The following NKAIN1 variants were observed in gnomAD, a reference collection of about 807,000 sequenced individuals.
NKAIN1 encodes sodium/potassium-transporting ATPase subunit beta-1-interacting protein 1.
In NKAIN1, 13 loss-of-function variants were observed where a neutral mutation model predicts 31.6. The ratio of observed to expected loss-of-function variants is 0.41; its 90% CI spans 0.27 to 0.65. The LOEUF is 0.65. Ranked by LOEUF, NKAIN1 falls within the 30% of genes least tolerant of loss-of-function variation. The probability of loss-of-function intolerance (pLI) is 0.30; values close to 1 mark genes in which losing one functional copy is unlikely to be tolerated. For synonymous variants in NKAIN1, 104 were observed against 109.0 expected (o/e 0.95, Z 0.28); for missense variants, 193 against 262.2 (o/e 0.74, Z 1.82).
chr1:31,222,789 C>T (rs1001970939), intron 1 of NKAIN1, among the ~76,000 whole-genome samples: 1 of 152,122 alleles, frequency 6.6e-6, no homozygotes, highest in Non-Finnish European at 1.5e-5. Context: ...GTCCAAAAGG[C>T]CTGGGTTAGA....
chr1:31,181,597 C>T lies in NKAIN1; in HGVS notation c.*106G>A. On this transcript the variant is annotated 3_prime_UTR_variant, in exon 7 of 7. Transcript: ENST00000373736. ...CAGACGCGGGGTTGGGCACAGGCTGCAGTGAGCGCGCGGGCCACCAGGGGG... is the reference window on the plus strand; with the variant it reads ...CAGACGCGGGGTTGGGCACAGGCTGTAGTGAGCGCGCGGGCCACCAGGGGG... The T allele has an allele frequency of 8.9e-7, 1 of 1,122,450 alleles. No individual in the cohort carries two copies. Among genetic ancestry groups the T allele is most frequent in the Non-Finnish European group, 1.2e-6 (1 of 831,760 alleles). The allele number at this position is 1,122,450 out of a possible 1,614,324, so 69.5% of individuals were successfully genotyped here.
intron 1 of NKAIN1, among the ~76,000 whole-genome samples, chr1:31,215,096 C>T (rs923383526): frequency 7.2e-5 from 11 of 152,168 alleles, no homozygotes; most frequent in African/African-American, 2.7e-4. Flanking sequence ...AATCCAATTC[C>T]CTGACTTATT....
In NKAIN1 at chr1:31,184,790, G is replaced by A. The variant is rs573433760; in HGVS notation, c.273+457C>T. Among the ~76,000 whole-genome samples the A allele has an allele frequency of 3.9e-5, 6 of 152,226 alleles. No homozygotes were observed. In the South Asian group the frequency reaches 6.2e-4, roughly 16 times the overall value. On this transcript the variant is annotated intron_variant, in intron 3 of 6. Coordinates refer to ENST00000373736, the MANE Select transcript of NKAIN1 (RefSeq NM_024522.3). ...CAAGCGAAACAGTCCTACTTTCTTG[G>A]TCTGCTCAATCTTCCCTGAACAAAC...
intron 1 of NKAIN1, among the ~76,000 whole-genome samples, chr1:31,228,292 A>C (rs1446165963): frequency 1.3e-5 from 2 of 152,128 alleles, no homozygotes; most frequent in Admixed American, 1.3e-4. Flanking sequence ...TTATCCTGAA[A>C]ATCTCAGAAT....
chr1:31,218,817 T>C (rs768066341), intron 1 of NKAIN1, among the ~76,000 whole-genome samples: 24 of 152,202 alleles, frequency 1.6e-4, no homozygotes, highest in Admixed American at 7.2e-4. Context: ...AGACAGCCTC[T>C]CAGTTCAGTG....
At chr1:31,196,145 G>A (rs1287219887) in intron 1 of NKAIN1, among the ~76,000 whole-genome samples, 41 of 151,886 alleles carry the variant, frequency 2.7e-4, no homozygotes, top group Admixed American at 6.6e-5. Context: ...TTGGGAGACC[G>A]AGGTGGGTGG....
chr1:31,197,458 G>C (rs1645338201), intron 1 of NKAIN1, among the ~76,000 whole-genome samples: 1 of 151,706 alleles, frequency 6.6e-6, no homozygotes, highest in Admixed American at 6.6e-5. Context: ...ATGTTGGTCA[G>C]GTTGGTCTCA....
At chr1:31,219,719 G>T (rs1460427032) in intron 1 of NKAIN1, among the ~76,000 whole-genome samples, 2 of 152,234 alleles carry the variant, frequency 1.3e-5, no homozygotes, top group Non-Finnish European at 2.9e-5. Context: ...CCACACAGGT[G>T]CCTAGACTCC....
At chr1:31,211,680 G>A (rs757248948) in intron 1 of NKAIN1, among the ~76,000 whole-genome samples, 1 of 151,830 alleles carries the variant, frequency 6.6e-6, no homozygotes, top group African/African-American at 2.4e-5. Flanking sequence ...TGGGCACGGT[G>A]GCTCATGCCT....
intron 1 of NKAIN1, among the ~76,000 whole-genome samples, chr1:31,215,279 A>G (rs1645502164): frequency 6.6e-6 from 1 of 152,192 alleles, no homozygotes; most frequent in African/African-American, 2.4e-5. Context: ...AAAGTTGCAC[A>G]GCAGTACTCC....
chr1:31,217,154 C>T (rs1202122465), intron 1 of NKAIN1, among the ~76,000 whole-genome samples: 1 of 152,048 alleles, frequency 6.6e-6, no homozygotes, highest in Non-Finnish European at 1.5e-5. Flanking sequence ...GCATGAGCCA[C>T]CGTGCCGCGG....
intron 2 of NKAIN1, among the ~76,000 whole-genome samples, 192 bp downstream of exon 2, chr1:31,187,857 GA>G (rs111493842): frequency 0.043 from 6,264 of 147,088 alleles, 238 homozygotes; most frequent in East Asian, 0.12. Context: ...AATTCTTCAG[GA>G]AAAAAAAAAC....
chr1:31,211,454 G>A (rs1389189169), intron 1 of NKAIN1, among the ~76,000 whole-genome samples: 1 of 152,180 alleles, frequency 6.6e-6, no homozygotes, highest in Non-Finnish European at 1.5e-5. Context: ...AACCAAGTAA[G>A]TGCAAGACCT....
intron 1 of NKAIN1, among the ~76,000 whole-genome samples, chr1:31,231,974 A>G (rs990951925): frequency 2.0e-5 from 3 of 150,832 alleles, no homozygotes; most frequent in African/African-American, 7.3e-5. Context: ...GCTGTAGGGC[A>G]GTGGTGCAAT....
At chr1:31,235,546 A>G (rs897140743) in intron 1 of NKAIN1, among the ~76,000 whole-genome samples, 10 of 152,040 alleles carry the variant, frequency 6.6e-5, no homozygotes, top group African/African-American at 2.4e-4. Context: ...TGAGGTGGGA[A>G]GGTCACTTGA....
intron 1 of NKAIN1, among the ~76,000 whole-genome samples, chr1:31,216,309 T>C (rs529395450): frequency 6.6e-6 from 1 of 152,260 alleles, no homozygotes; most frequent in East Asian, 1.9e-4. Flanking sequence ...TGAATGTGCC[T>C]ATGCCGAGCG....
intron 1 of NKAIN1, among the ~76,000 whole-genome samples, chr1:31,212,665 G>A (rs564854504): frequency 2.0e-4 from 30 of 151,390 alleles, no homozygotes; most frequent in Non-Finnish European, 3.8e-4. Flanking sequence ...TTGGCCTCCC[G>A]AAACTTTTGA....
At chr1:31,206,546 C>T (rs539815940) in intron 1 of NKAIN1, among the ~76,000 whole-genome samples, 2 of 152,254 alleles carry the variant, frequency 1.3e-5, no homozygotes, top group African/African-American at 4.8e-5. Context: ...AGTGATCCTC[C>T]TGTCTCAGCC....
chr1:31,182,507 T>C (rs1645210760), intron 5 of NKAIN1, 23 bp downstream of exon 5: 1 of 1,613,552 alleles, frequency 6.2e-7, no homozygotes, highest in Non-Finnish European at 8.5e-7. Flanking sequence ...GATTCCCCAC[T>C]TCCCCAGGGG....
Sources: gnomAD v4.1 joint callset for allele counts (sites outside exome capture counted in the v4.1 genomes callset) on GRCh38, gnomAD v4.1.1 for gene constraint, MANE v1.5 for transcripts, NCBI Gene and HGNC (gene_info 2026-07-23, HGNC 2026-07-21) for gene names.